Variants in HS6ST2 observed in about 807,000 individuals in gnomAD.
The protein encoded by HS6ST2 is heparan sulfate 6-O-sulfotransferase 2.
HS6ST2 carries 17 observed loss-of-function variants against 33.0 expected under a neutral mutation model. The observed-to-expected ratio is 0.52, with a 90% CI of 0.35 to 0.77. HS6ST2 has a LOEUF of 0.77. Among genes scored for constraint, HS6ST2 ranks in the 30% least tolerant of loss-of-function variants. The probability of loss-of-function intolerance (pLI) is 0.01; values close to 1 mark genes in which losing one functional copy is unlikely to be tolerated. For missense variants in HS6ST2, 519 were observed against 551.7 expected (o/e 0.94, Z 0.59); for synonymous variants, 248 against 237.1 (o/e 1.05, Z -0.42).
chrX:132,758,194 A>C (rs1202704700), intron 2 of HS6ST2: 3 of 112,612 alleles, frequency 2.7e-5, no homozygotes, highest in Non-Finnish European at 5.6e-5. Flanking sequence ...ATGGCCAATA[A>C]TTAAAAACTT....
intron 4 of HS6ST2, among the ~76,000 whole-genome samples, chrX:132,665,832 G>A (rs1569478887): frequency 9.1e-6 from 1 of 110,482 alleles, no homozygotes; most frequent in Non-Finnish European, 1.9e-5. Context: ...GTCATTTCCA[G>A]GGTAGTCTGG....
In HS6ST2 at chrX:132,847,071, A is replaced by G. The variant is rs1416031905; in HGVS notation, c.947+109737T>C. Among the ~76,000 whole-genome samples, 3 of 111,363 alleles carry G rather than the reference A, an allele frequency of 2.7e-5. 1 individual carries two copies. The highest frequency in any genetic ancestry group is 3.3e-5 in the African/African-American group (1 of 30,623). On this transcript the variant is annotated intron_variant, in intron 2 of 4. Transcript: ENST00000370833. ...CTGCAGATATGTTCGTTGATGATAT[A>G]TATCAAGTCCAAGAAGGTCTTGAAA...
chrX:132,746,404 G>A (rs926492207), intron 2 of HS6ST2, among the ~76,000 whole-genome samples: 1 of 111,001 alleles, frequency 9.0e-6, no homozygotes, highest in Admixed American at 9.5e-5. Flanking sequence ...TTGGGAGGCT[G>A]AGGCAGGAGA....
intron 4 of HS6ST2, among the ~76,000 whole-genome samples, chrX:132,634,324 C>G (rs2063538859): frequency 8.9e-6 from 1 of 112,079 alleles, no homozygotes; most frequent in Non-Finnish European, 1.9e-5. Context: ...TGAATTTTAA[C>G]TGAATGAGGC....
intron 2 of HS6ST2, among the ~76,000 whole-genome samples, chrX:132,891,025 G>C (rs1185545847): frequency 9.0e-6 from 1 of 111,510 alleles, no homozygotes; most frequent in Non-Finnish European, 1.9e-5. Flanking sequence ...CAAGGATTTG[G>C]TGATGGGGAA....
At chrX:132,891,115 C>T (rs1051087006) in intron 2 of HS6ST2, among the ~76,000 whole-genome samples, 6 of 126 alleles carry the variant, frequency 0.048, no homozygotes, top group Admixed American at 0.24. Context: ...TGAACAGTTC[C>T]GATTCTTCCT....
intron 3 of HS6ST2, among the ~76,000 whole-genome samples, chrX:132,689,525 T>G (rs2064044165): frequency 8.9e-6 from 1 of 112,064 alleles, no homozygotes; most frequent in Admixed American, 9.4e-5. Flanking sequence ...CTTAATCTCA[T>G]TTTGAATTAC....
intron 3 of HS6ST2, among the ~76,000 whole-genome samples, chrX:132,687,757 T>G (rs2064030367): frequency 9.9e-6 from 1 of 101,189 alleles, no homozygotes; most frequent in Non-Finnish European, 2.0e-5. Flanking sequence ...TCAACATTTG[T>G]TTTTTTTTTG....
chrX:132,722,418 G>C (rs1351023830), intron 2 of HS6ST2, among the ~76,000 whole-genome samples: 1 of 111,169 alleles, frequency 9.0e-6, no homozygotes, highest in Non-Finnish European at 1.9e-5. Context: ...AAGCTTTCAG[G>C]TATGCCAAAA....
At chrX:132,793,152 C>T (rs1743702051) in intron 2 of HS6ST2, among the ~76,000 whole-genome samples, 1 of 102,428 alleles carries the variant, frequency 9.8e-6, no homozygotes, top group Non-Finnish European at 2.0e-5. Flanking sequence ...CCTCCGCCTC[C>T]TGGGTTCAGG....
chrX:132,805,638 C>A (rs932394632), intron 2 of HS6ST2, among the ~76,000 whole-genome samples: 5 of 109,988 alleles, frequency 4.5e-5, no homozygotes, highest in African/African-American at 1.6e-4. Context: ...CATCTCACTG[C>A]GACCACAGGC....
At chrX:132,830,369 C>T (rs1446223857) in intron 2 of HS6ST2, among the ~76,000 whole-genome samples, 1 of 111,507 alleles carries the variant, frequency 9.0e-6, no homozygotes, top group East Asian at 2.8e-4. Context: ...CCAGGTCACC[C>T]AGTGCCTAAA....
chrX:132,754,440 G>A (rs1179570386), intron 2 of HS6ST2, among the ~76,000 whole-genome samples: 6 of 102,893 alleles, frequency 5.8e-5, no homozygotes, highest in African/African-American at 2.2e-4. Flanking sequence ...TTTTTGAAAC[G>A]GAGTCTTGCT....
chrX:132,815,667 G>T (rs893771582), intron 2 of HS6ST2, among the ~76,000 whole-genome samples: 1 of 111,907 alleles, frequency 8.9e-6, no homozygotes, highest in African/African-American at 3.2e-5. Context: ...GAAATGAGAA[G>T]ATTATATCTG....
In HS6ST2 at chrX:132,772,521, T is replaced by A. The variant is rs1202893612; in HGVS notation, c.948-64027A>T. Among the ~76,000 whole-genome samples the A allele has an allele frequency of 5.7e-5, 6 of 105,992 alleles. No individual in the cohort carries two copies. The East Asian group carries it at 1.7e-3, about 30-fold the overall frequency. The allele number at this position is 105,992 out of a possible 115,157, so 92.0% of individuals were successfully genotyped here. The stretch of plus-strand genomic sequence containing the variant: ...TATATATAATTAATATATGTATATA[T>A]TGCATACAATATAAATAATTGTATG... On this transcript the variant is annotated intron_variant, in intron 2 of 4. Transcript: ENST00000370833.
chrX:132,778,206 C>G (rs943564279), intron 2 of HS6ST2, among the ~76,000 whole-genome samples: 1 of 111,629 alleles, frequency 9.0e-6, no homozygotes, highest in Admixed American at 9.5e-5. Context: ...AGTGTAGCTT[C>G]TATAATAAAT....
At chrX:132,871,091 A>C in intron 2 of HS6ST2, among the ~76,000 whole-genome samples, 1 of 111,778 alleles carries the variant, frequency 8.9e-6, no homozygotes, top group Admixed American at 9.5e-5. Context: ...AAAACAAACA[A>C]CCCCATCAAA....
At chrX:132,636,021 C>T (rs370677084) in intron 4 of HS6ST2, among the ~76,000 whole-genome samples, 2 of 111,291 alleles carry the variant, frequency 1.8e-5, no homozygotes, top group African/African-American at 6.5e-5. Flanking sequence ...CTGCTCCAGA[C>T]GCCCTGGTGT....
At chrX:132,642,502 A>G (rs922040061) in intron 4 of HS6ST2, among the ~76,000 whole-genome samples, 3 of 111,878 alleles carry the variant, frequency 2.7e-5, no homozygotes, top group Non-Finnish European at 3.8e-5. Flanking sequence ...AATTGAAGCC[A>G]TTCAGAATTT....
Sources: allele counts gnomAD v4.1 joint callset (sites outside exome capture counted in the v4.1 genomes callset), GRCh38; gene constraint gnomAD v4.1.1; transcripts MANE v1.5; gene names NCBI Gene and HGNC (gene_info 2026-07-23, HGNC 2026-07-21).